The following TRPC4 variants were observed in gnomAD, a reference collection of about 807,000 sequenced individuals.
TRPC4 encodes the protein transient receptor potential cation channel subfamily C member 4, also known as short transient receptor potential channel 4.
A neutral mutation model predicts 99.4 loss-of-function variants in TRPC4; 49 were observed. The observed-to-expected ratio is 0.49, with a 90% CI of 0.39 to 0.63. TRPC4 has a LOEUF of 0.63. Among genes scored for constraint, TRPC4 ranks in the 20% least tolerant of loss-of-function variants. The probability of loss-of-function intolerance (pLI) is 0.00; values close to 1 mark genes in which losing one functional copy is unlikely to be tolerated. For missense variants in TRPC4, 898 were observed against 1,152.9 expected, an observed-to-expected ratio of 0.78 and a Z score of 3.20; for synonymous variants, 454 against 425.9, an observed-to-expected ratio of 1.07 and a Z score of -0.81.
intron 1 of TRPC4, among the ~76,000 whole-genome samples, chr13:37,832,876 T>C (rs576279779): frequency 6.6e-6 from 1 of 152,306 alleles, no homozygotes; most frequent in Non-Finnish European, 1.5e-5. Flanking sequence ...ATCTATTGAT[T>C]AACCTCTAAA....
chr13:37,854,426 A>C (rs1959133703), intron 1 of TRPC4, among the ~76,000 whole-genome samples: 2 of 152,154 alleles, frequency 1.3e-5, no homozygotes, highest in African/African-American at 4.8e-5. Flanking sequence ...AGAAATGTTA[A>C]AGAAAGTTCT....
chr13:37,745,390 C>T (rs972613780), intron 3 of TRPC4, among the ~76,000 whole-genome samples: 14 of 144,938 alleles, frequency 9.7e-5, no homozygotes, highest in African/African-American at 3.2e-4. Flanking sequence ...TCCAAGGATG[C>T]GGAACCTGCA....
chr13:37,856,390 TAAA>T (rs34818320), intron 1 of TRPC4, among the ~76,000 whole-genome samples: 10 of 110,034 alleles, frequency 9.1e-5, no homozygotes, highest in East Asian at 2.6e-4. Context: ...AGTCTCCTAG[TAAA>T]AAAAAAAAAA....
At chr13:37,676,214 A>G (rs917957788) in intron 4 of TRPC4, among the ~76,000 whole-genome samples, 1 of 151,828 alleles carries the variant, frequency 6.6e-6, no homozygotes, top group Non-Finnish European at 1.5e-5. Flanking sequence ...GTGATGCATC[A>G]TATTCAAACC....
chr13:37,810,305 T>C (rs1020206275), intron 1 of TRPC4, among the ~76,000 whole-genome samples: 13 of 152,110 alleles, frequency 8.5e-5, no homozygotes, highest in Non-Finnish European at 1.8e-4. Flanking sequence ...TATATTGAAG[T>C]TGTGTATTTT....
At chr13:37,734,847 C>A (rs972806366) in intron 3 of TRPC4, among the ~76,000 whole-genome samples, 1 of 151,782 alleles carries the variant, frequency 6.6e-6, no homozygotes, top group Admixed American at 6.6e-5. Flanking sequence ...TTCCAGCAAG[C>A]ATTTACAGAC....
chr13:37,736,848 G>GCTC (rs1375777433), intron 3 of TRPC4, among the ~76,000 whole-genome samples: 1 of 151,084 alleles, frequency 6.6e-6, no homozygotes, highest in East Asian at 2.0e-4. Context: ...CCCATCTCAG[G>GCTC]CTCCCAAGTA....
chr13:37,737,282 T>C (rs1385965635), intron 3 of TRPC4, among the ~76,000 whole-genome samples: 1 of 151,816 alleles, frequency 6.6e-6, no homozygotes, highest in Non-Finnish European at 1.5e-5. Context: ...CACTCTTTCA[T>C]GAGCAAATAT....
intron 2 of TRPC4, among the ~76,000 whole-genome samples, chr13:37,771,741 C>A (rs904833301): frequency 3.3e-5 from 5 of 151,510 alleles, no homozygotes; most frequent in African/African-American, 1.2e-4. Context: ...ATTTACTGAG[C>A]ACATACCATG....
chr13:37,685,710 T>C (rs1953448329), intron 4 of TRPC4, among the ~76,000 whole-genome samples: 1 of 152,128 alleles, frequency 6.6e-6, no homozygotes, highest in African/African-American at 2.4e-5. Flanking sequence ...TTTCAAACAT[T>C]CTCTGAAGGC....
chr13:37,801,580 A>G (rs1389677881), intron 1 of TRPC4, among the ~76,000 whole-genome samples: 1 of 152,182 alleles, frequency 6.6e-6, no homozygotes, highest in Non-Finnish European at 1.5e-5. Context: ...TACTTAAAAC[A>G]GAATAATTAG....
intron 2 of TRPC4, among the ~76,000 whole-genome samples, chr13:37,754,187 A>G (rs899023910): frequency 1.3e-5 from 2 of 152,092 alleles, no homozygotes; most frequent in African/African-American, 4.8e-5. Context: ...TTCGTTCTCA[A>G]CGCAGTCTAT....
intron 1 of TRPC4, among the ~76,000 whole-genome samples, chr13:37,794,822 G>A (rs558096319): frequency 1.3e-5 from 2 of 152,046 alleles, no homozygotes; most frequent in East Asian, 3.9e-4. Flanking sequence ...TCATAGACTG[G>A]GTGTCCCATC....
chr13:37,833,666 G>A (rs1362084010), intron 1 of TRPC4, among the ~76,000 whole-genome samples: 1 of 152,010 alleles, frequency 6.6e-6, no homozygotes, highest in Non-Finnish European at 1.5e-5. Context: ...GATATTTCTG[G>A]CATCTCGGGG....
rs551340027 is a variant in TRPC4 at position 37,634,044 on chromosome 13, A to C, written c.*2859T>G. 2.6e-5 allele frequency among the ~76,000 whole-genome samples: 4 copies of C among 152,080 alleles called. No homozygotes were observed. The South Asian group carries it at 8.3e-4, about 32-fold the overall frequency. ...GTCTATTAAACTGAATTTTCAACAC[A>C]CTCCTTCACCTAACTCAGACACAAA... On this transcript the variant is annotated 3_prime_UTR_variant, in exon 11 of 11. Coordinates refer to ENST00000379705, the MANE Select transcript of TRPC4 (RefSeq NM_016179.4).
chr13:37,751,280 C>T (rs1253704515), intron 2 of TRPC4, among the ~76,000 whole-genome samples: 7 of 152,054 alleles, frequency 4.6e-5, no homozygotes, highest in Non-Finnish European at 8.8e-5. Flanking sequence ...CAGGGTCTAA[C>T]GGCTTCCGCT....
rs75068884 is a variant in TRPC4 at position 37,648,916 on chromosome 13, T to A, written c.2079+2349A>T. Among the ~76,000 whole-genome samples, 1,097 of 152,292 alleles carry A rather than the reference T, an allele frequency of 7.2e-3. 13 individuals are homozygous for A. The highest frequency in any genetic ancestry group is 0.025 in the African/African-American group (1,048 of 41,560). On this transcript the variant is annotated intron_variant, in intron 8 of 10. Transcript: ENST00000379705. ...ATCAGAGCAGGACCCTGTGTTTTGT[T>A]ACAAGTTTCCTGTTATCTTAAAAAC...
chr13:37,803,510 A>G (rs886138392), intron 1 of TRPC4, among the ~76,000 whole-genome samples: 1 of 152,114 alleles, frequency 6.6e-6, no homozygotes. Flanking sequence ...GTGAAGAGTA[A>G]ACATATAAAC....
chr13:37,717,388 C>A (rs1420897790), intron 3 of TRPC4, among the ~76,000 whole-genome samples: 2 of 152,036 alleles, frequency 1.3e-5, no homozygotes, highest in South Asian at 2.1e-4. Context: ...ATTTTACACA[C>A]CAACATGAGT....
Sources: gnomAD v4.1 joint callset for allele counts (sites outside exome capture counted in the v4.1 genomes callset) on GRCh38, gnomAD v4.1.1 for gene constraint, MANE v1.5 for transcripts, NCBI Gene and HGNC (gene_info 2026-07-23, HGNC 2026-07-21) for gene names.